Variants in ESPNL observed in about 807,000 individuals in gnomAD.
ESPNL encodes espin like.
Under a neutral mutation model 46.8 loss-of-function variants are expected in ESPNL, and 49 were observed. The observed-to-expected ratio is 1.05, with a 90% CI of 0.83 to 1.33. The LOEUF (loss-of-function observed/expected upper bound fraction) is 1.33. Among genes scored for constraint, ESPNL ranks in the 40% most tolerant of loss-of-function variants. The probability of loss-of-function intolerance (pLI) is 0.00; values close to 1 mark genes in which losing one functional copy is unlikely to be tolerated. For missense variants in ESPNL, 1,540 were observed against 1,436.6 expected (o/e 1.07, Z -1.16); for synonymous variants, 664 against 662.1 (o/e 1.00, Z -0.04).
chr2:238,112,589 C>T (rs1574732516), intron 4 of ESPNL, among the ~76,000 whole-genome samples: 1 of 152,190 alleles, frequency 6.6e-6, no homozygotes, highest in African/African-American at 2.4e-5. Context: ...GTGCCTACCT[C>T]ACTTACTTTT....
At chr2:238,109,326 T>C (rs1691667812) in intron 4 of ESPNL, among the ~76,000 whole-genome samples, 1 of 152,212 alleles carries the variant, frequency 6.6e-6, no homozygotes, top group Non-Finnish European at 1.5e-5. Context: ...TCAGCTTCCC[T>C]CTGTAAAAAG....
In ESPNL at chr2:238,104,763, T is replaced by C. The variant is rs1298024904; in HGVS notation, c.593T>C (p.Val198Ala). 1.2e-6 allele frequency: 2 copies of C among 1,603,490 alleles called. No homozygotes were observed. The highest frequency in any genetic ancestry group is 1.1e-5 in the South Asian group (1 of 89,764). The change falls in exon 3 of 9, where the codon GTG becomes GCG. Residue 198 changes from valine (V) to alanine (A), a missense_variant. Physicochemically the swap from Val to Ala is moderately conservative, Grantham distance 64 (BLOSUM62 0). Transcript: ENST00000343063. ...CTGGTGAAGGACTGTGGCGCTGACGTGCACCTTCGTGCTCTCGATGGCATG... is the reference window on the plus strand; with the variant it reads ...CTGGTGAAGGACTGTGGCGCTGACGCGCACCTTCGTGCTCTCGATGGCATG... Reference protein sequence around the residue: ...QFLVKDCGADVHLRALDGMSA... With the variant: ...QFLVKDCGADAHLRALDGMSA...
In ESPNL at chr2:238,117,022, G is replaced by A; in HGVS notation, c.975G>A (p.Glu325=). Residue 325 remains glutamate (E), a synonymous_variant, in exon 5 of 9, where the codon GAG becomes GAA. Coordinates refer to ENST00000343063, the MANE Select transcript of ESPNL (RefSeq NM_194312.4). Reference sequence around the variant, plus strand: ...GGGACTGCGCCCAGTACCTGCGGGAGGTGGCCCAGCCGGTAAGGCTCAGGG... The same window carrying A: ...GGGACTGCGCCCAGTACCTGCGGGAAGTGGCCCAGCCGGTAAGGCTCAGGG... The part of the protein sequence containing the change: ...GHRDCAQYLR[E]VAQPVPLLMT... The A allele has an allele frequency of 6.2e-7, 1 of 1,610,930 alleles. No individual in the cohort carries two copies. Among genetic ancestry groups the A allele is most frequent in the Non-Finnish European group, 8.5e-7 (1 of 1,179,192 alleles).
In ESPNL at chr2:238,118,375, G is replaced by GA. The variant is rs1244896268; in HGVS notation, c.987+1341_987+1342insA. Reference sequence around the variant, plus strand: ...GGATGGAGGAGGAATGGATGGAGGAGGTGGATGGAGAAGGGTGGATGGAAG... The same window carrying GA: ...GGATGGAGGAGGAATGGATGGAGGAGAGTGGATGGAGAAGGGTGGATGGAAG... On this transcript the variant is annotated intron_variant, in intron 5 of 8. Coordinates refer to ENST00000343063, the MANE Select transcript of ESPNL (RefSeq NM_194312.4). Among the ~76,000 whole-genome samples the GA allele has an allele frequency of 8.5e-4, 99 of 116,714 alleles. 1 individual carries two copies. Among genetic ancestry groups the GA allele is most frequent in the Non-Finnish European group, 1.2e-3 (69 of 56,248 alleles). 76.6% of individuals were successfully genotyped at this position (116,714 alleles called of 152,430 possible).
rs1322260471 is a variant in ESPNL, at chr2:238,130,659, G to A, written c.1945G>A (p.Gly649Arg). ...SEAQRQIQEW[G>R]VSVRTLRGNF... ...GGCCCAGCGCCAGATCCAGGAGTGG[G>A]GGGTGTCTGTGCGGACGCTGCGGGG... Residue 649 changes from glycine (G) to arginine (R), a missense_variant, in exon 9 of 9, where the codon GGG (glycine) becomes AGG (arginine). Transcript: ENST00000343063. The A allele has an allele frequency of 6.4e-7, 1 of 1,561,796 alleles. No individual in the cohort carries two copies. The highest frequency in any genetic ancestry group is 8.7e-7 in the Non-Finnish European group (1 of 1,153,350).
At chr2:238,128,021 CAG>C (rs1692180022) in intron 7 of ESPNL, among the ~76,000 whole-genome samples, 2 of 152,318 alleles carry the variant, frequency 1.3e-5, no homozygotes, top group Non-Finnish European at 2.9e-5. Context: ...CCTCTGAGCT[CAG>C]GGGTGCTCCG....
chr2:238,113,951 C>T (rs1286687746), intron 4 of ESPNL, among the ~76,000 whole-genome samples: 1 of 152,206 alleles, frequency 6.6e-6, no homozygotes, highest in Admixed American at 6.5e-5. Context: ...TTCCTTTTCT[C>T]CTGAGTGTGG....
At position 238,114,322 on chromosome 2, in the gene ESPNL, C is replaced by T. The variant is rs1048758519; in HGVS notation, c.856-2581C>T. 6.6e-6 allele frequency among the ~76,000 whole-genome samples: 1 copy of T among 152,120 alleles called. No homozygotes were observed. The highest frequency in any genetic ancestry group is 2.4e-5 in the African/African-American group (1 of 41,420). Reference sequence around the variant, plus strand: ...CTGACACTTGTCCCCCTTCCTCTGCCGTGACACCCCTCATACTCCTGCAGA... The same window carrying T: ...CTGACACTTGTCCCCCTTCCTCTGCTGTGACACCCCTCATACTCCTGCAGA... On this transcript the variant is annotated intron_variant, in intron 4 of 8. Transcript: ENST00000343063. This position sits in a 1 kb window ranked among gnomAD's most constrained non-coding sequence, Gnocchi z 5.0.
chr2:238,123,582 TCCCACACCCGG>T (rs1452027725), intron 5 of ESPNL, among the ~76,000 whole-genome samples: 1 of 152,056 alleles, frequency 6.6e-6, no homozygotes, highest in Non-Finnish European at 1.5e-5. Flanking sequence ...TGGTAACAGA[TCCCACACCCGG>T]CCCAAGCCCG....
At chr2:238,121,421 C>G (rs1559264676) in intron 5 of ESPNL, among the ~76,000 whole-genome samples, 1 of 152,204 alleles carries the variant, frequency 6.6e-6, no homozygotes, top group Non-Finnish European at 1.5e-5. Context: ...AGTTTTCTCA[C>G]CACAGGGTCT....
At chr2:238,119,779 C>T (rs1422952765) in intron 5 of ESPNL, among the ~76,000 whole-genome samples, 1 of 152,104 alleles carries the variant, frequency 6.6e-6, no homozygotes, top group Non-Finnish European at 1.5e-5. Context: ...CCCTCCACCC[C>T]CCAAACCCTT....
At chr2:238,123,943 C>A (rs753707310) in intron 5 of ESPNL, among the ~76,000 whole-genome samples, 5 of 152,138 alleles carry the variant, frequency 3.3e-5, no homozygotes, top group Non-Finnish European at 7.4e-5. Context: ...TGGGAGGCAG[C>A]CTGTGCCACC....
At chr2:238,122,779 C>T (rs1368760430) in intron 5 of ESPNL, among the ~76,000 whole-genome samples, 1 of 152,170 alleles carries the variant, frequency 6.6e-6, no homozygotes, top group African/African-American at 2.4e-5. Flanking sequence ...CCTGGCTGGG[C>T]AGGGGACAGT....
At chr2:238,123,619 C>T (rs1232446807) in intron 5 of ESPNL, among the ~76,000 whole-genome samples, 2 of 152,208 alleles carry the variant, frequency 1.3e-5, no homozygotes, top group African/African-American at 4.8e-5. Flanking sequence ...CCACCTGACA[C>T]CTCGGCCTTC....
chr2:238,128,981 C>A, intron 8 of ESPNL, 77 bp downstream of exon 8: 1 of 1,485,598 alleles, frequency 6.7e-7, no homozygotes, highest in Admixed American at 2.1e-5. Flanking sequence ...AGTCAGGGCG[C>A]CCGAAGCCCA....
intron 6 of ESPNL, among the ~76,000 whole-genome samples, chr2:238,126,373 T>TCC (rs776284586): frequency 6.9e-5 from 10 of 145,658 alleles, no homozygotes; most frequent in Non-Finnish European, 1.4e-4. Context: ...TGTGTGTGTC[T>TCC]TTGTGATTGT....
rs1329440874 is a variant in ESPNL at position 238,131,087 on chromosome 2, C to T, written c.2373C>T (p.Gly791=). The change falls in exon 9 of 9, where the codon GGC becomes GGT. Residue 791 remains glycine, a synonymous_variant. Coordinates refer to ENST00000343063, the MANE Select transcript of ESPNL (RefSeq NM_194312.4). Reference sequence around the variant, plus strand: ...GGCCACCCTCCCCGCCCAGCGAGGGCCCCCGGCTGGGCCACCTGTGGCAGC... The same window carrying T: ...GGCCACCCTCCCCGCCCAGCGAGGGTCCCCGGCTGGGCCACCTGTGGCAGC... The part of the protein sequence containing the change: ...SPGPPSPPSE[G]PRLGHLWQQR... 7.1e-6 allele frequency: 11 copies of T among 1,541,544 alleles called. No individual in the cohort carries two copies. Among genetic ancestry groups the T allele is most frequent in the East Asian group, 2.5e-5 (1 of 40,814 alleles).
Position 238,130,656 on chromosome 2 carries a change from T to TG in ESPNL, c.1948dup (p.Val650GlyfsTer44), listed in dbSNP as rs1037848763. 6 of 1,559,592 alleles carry TG rather than the reference T, an allele frequency of 3.8e-6. No individual in the cohort carries two copies. In the African/African-American group the frequency reaches 5.5e-5, roughly 14 times the overall value. On this transcript the variant is annotated frameshift_variant, in exon 9 of 9. Transcript: ENST00000343063. LOFTEE classifies it low-confidence loss of function (END_TRUNC). ...CGAGGCCCAGCGCCAGATCCAGGAG[T>TG]GGGGGGTGTCTGTGCGGACGCTGCG...
intron 5 of ESPNL, among the ~76,000 whole-genome samples, chr2:238,124,377 G>A (rs1239768057): frequency 6.6e-6 from 1 of 152,202 alleles, no homozygotes; most frequent in African/African-American, 2.4e-5. Context: ...CCCTCGGCTG[G>A]TGGGCACATT....
Sources: allele counts gnomAD v4.1 joint callset (sites outside exome capture counted in the v4.1 genomes callset), GRCh38; gene constraint gnomAD v4.1.1; non-coding constraint Gnocchi (gnomAD v3.1); transcripts MANE v1.5; gene names NCBI Gene and HGNC (gene_info 2026-07-23, HGNC 2026-07-21).